Variants in IQGAP2 observed in about 807,000 individuals in gnomAD.
The protein encoded by IQGAP2 is IQ motif containing GTPase activating protein 2.
A neutral mutation model predicts 201.3 loss-of-function variants in IQGAP2; 173 were observed. The ratio of observed to expected loss-of-function variants is 0.86; its 90% CI spans 0.76 to 0.98. IQGAP2 has a LOEUF of 0.98. IQGAP2 is among the 50% of genes least tolerant of loss of function. The pLI, the probability that IQGAP2 is intolerant of heterozygous loss-of-function variation, is 0.00. For missense variants in IQGAP2, 1,687 were observed against 1,864.8 expected (o/e 0.90, Z 1.76); for synonymous variants, 675 against 673.9 (o/e 1.00, Z -0.03).
At chr5:76,459,624 A>C (rs574824116) in intron 1 of IQGAP2, among the ~76,000 whole-genome samples, 1 of 152,228 alleles carries the variant, frequency 6.6e-6, no homozygotes, top group South Asian at 2.1e-4. Flanking sequence ...ATCATTTAAG[A>C]AAACACAGGG....
chr5:76,700,993 T>C (rs528522124), intron 33 of IQGAP2, 83 bp from the exon 34 acceptor site: 1 of 1,422,880 alleles, frequency 7.0e-7, no homozygotes, highest in African/African-American at 1.4e-5. Flanking sequence ...AACAGCGATG[T>C]CACTCTGAGT....
chr5:76,648,944 A>T (rs975218385), intron 17 of IQGAP2, among the ~76,000 whole-genome samples: 3 of 152,230 alleles, frequency 2.0e-5, no homozygotes, highest in Non-Finnish European at 2.9e-5. Context: ...CATTTGTGTC[A>T]TCGGATTCCC....
At chr5:76,570,489 A>C (rs967485423) in intron 3 of IQGAP2, 91 bp from the exon 4 acceptor site, 8 of 835,520 alleles carry the variant, frequency 9.6e-6, no homozygotes, top group African/African-American at 1.7e-5. Flanking sequence ...ATACAATTGA[A>C]AAGCATCCTG....
At chr5:76,696,770 T>C (rs1045889929) in intron 32 of IQGAP2, among the ~76,000 whole-genome samples, 3 of 152,176 alleles carry the variant, frequency 2.0e-5, no homozygotes, top group African/African-American at 4.8e-5. Flanking sequence ...TAGATAAATA[T>C]ATGCTTTTGC....
At chr5:76,492,293 C>G (rs1754554774) in intron 2 of IQGAP2, among the ~76,000 whole-genome samples, 1 of 152,126 alleles carries the variant, frequency 6.6e-6, no homozygotes, top group African/African-American at 2.4e-5. Context: ...AGGCCATGTT[C>G]TCTGGAGTGT....
At chr5:76,464,445 T>C (rs1381755070) in intron 2 of IQGAP2, among the ~76,000 whole-genome samples, 1 of 152,230 alleles carries the variant, frequency 6.6e-6, no homozygotes, top group Admixed American at 6.5e-5. Context: ...ATTGAGTTTC[T>C]ACTAAATTGT....
At chr5:76,559,506 G>A (rs1189362726) in intron 2 of IQGAP2, among the ~76,000 whole-genome samples, 4 of 152,158 alleles carry the variant, frequency 2.6e-5, no homozygotes, top group South Asian at 2.1e-4. Flanking sequence ...CTAGCTTCAC[G>A]GGAAGGCCCA....
In IQGAP2 at chr5:76,525,463, A is replaced by AT. The variant is rs777810101; in HGVS notation, c.147-36921dup. ...GATTTAGTGGTTGAATTTCCAGTGA[A>AT]TTTTTTTTTTTTAATTCTGTGTAGG... On this transcript the variant is annotated intron_variant, in intron 2 of 35. Transcript: ENST00000274364. 9.0e-4 allele frequency among the ~76,000 whole-genome samples: 134 copies of AT among 148,102 alleles called. 1 individual carries two copies. Among genetic ancestry groups the AT allele is most frequent in the Admixed American group, 5.9e-3 (87 of 14,788 alleles).
At chr5:76,582,384 A>G (rs2150293636) in intron 5 of IQGAP2, among the ~76,000 whole-genome samples, 1 of 152,326 alleles carries the variant, frequency 6.6e-6, no homozygotes, top group African/African-American at 2.4e-5. Flanking sequence ...TAAGTCATTC[A>G]TTTCACAGAT....
intron 35 of IQGAP2, among the ~76,000 whole-genome samples, chr5:76,705,569 G>C (rs1337191855): frequency 1.3e-5 from 2 of 152,314 alleles, no homozygotes; most frequent in Non-Finnish European, 1.5e-5. Context: ...TTGTTTAACA[G>C]ATGTTGCATT....
chr5:76,647,879 T>G (rs896966088), intron 17 of IQGAP2, among the ~76,000 whole-genome samples: 1 of 151,054 alleles, frequency 6.6e-6, no homozygotes, highest in Admixed American at 6.6e-5. Flanking sequence ...TGCCTCCACC[T>G]AGGCAGCAAA....
intron 2 of IQGAP2, among the ~76,000 whole-genome samples, chr5:76,480,625 T>G (rs1316295997): frequency 6.6e-6 from 1 of 152,190 alleles, no homozygotes; most frequent in East Asian, 1.9e-4. Context: ...CATATTATTG[T>G]TCTGTATGTT....
intron 1 of IQGAP2, among the ~76,000 whole-genome samples, chr5:76,412,706 T>C (rs1751189324): frequency 1.3e-5 from 2 of 152,206 alleles, no homozygotes; most frequent in Non-Finnish European, 2.9e-5. Context: ...TTGCATAACA[T>C]GTCTATACTG....
At chr5:76,544,967 ATATG>A (rs1278901077) in intron 2 of IQGAP2, among the ~76,000 whole-genome samples, 3 of 151,886 alleles carry the variant, frequency 2.0e-5, no homozygotes, top group Non-Finnish European at 4.4e-5. Flanking sequence ...TATACAGTAT[ATATG>A]TATATATGTA....
chr5:76,575,260 T>G (rs773426141), intron 4 of IQGAP2, among the ~76,000 whole-genome samples: 1 of 152,178 alleles, frequency 6.6e-6, no homozygotes, highest in Non-Finnish European at 1.5e-5. Context: ...CATGTATACA[T>G]GTGTACAGAG....
At chr5:76,699,303 T>C (rs541737860) in intron 33 of IQGAP2, 1 of 152,334 alleles carries the variant, frequency 6.6e-6, no homozygotes, top group East Asian at 1.9e-4. Context: ...AATTTCTTTG[T>C]TTTAGGGCCG....
At chr5:76,418,138 C>A (rs1293990646) in intron 1 of IQGAP2, among the ~76,000 whole-genome samples, 1 of 136,688 alleles carries the variant, frequency 7.3e-6, no homozygotes, top group East Asian at 2.3e-4. Flanking sequence ...ACGTGGGAGG[C>A]GGAGGTTGCA....
At chr5:76,683,431 G>A (rs1405730865) in intron 29 of IQGAP2, among the ~76,000 whole-genome samples, 3 of 152,154 alleles carry the variant, frequency 2.0e-5, no homozygotes, top group Admixed American at 6.5e-5. Flanking sequence ...CAGTATTCTT[G>A]AAGGTAAGCT....
chr5:76,659,547 A>T (rs1743070705), intron 21 of IQGAP2, among the ~76,000 whole-genome samples: 1 of 152,202 alleles, frequency 6.6e-6, no homozygotes, highest in African/African-American at 2.4e-5. Flanking sequence ...ATTCTAGAAA[A>T]TCCTAGCTTT....
Sources: gnomAD v4.1 joint callset for allele counts (sites outside exome capture counted in the v4.1 genomes callset) on GRCh38, gnomAD v4.1.1 for gene constraint, MANE v1.5 for transcripts, NCBI Gene and HGNC (gene_info 2026-07-23, HGNC 2026-07-21) for gene names.